Variants in EYS observed in about 807,000 individuals in gnomAD.
The protein encoded by EYS is EGF-like photoreceptor maintenance factor.
Under a neutral mutation model 282.1 loss-of-function variants are expected in EYS, and 250 were observed. That is an observed-to-expected ratio of 0.89 (90% confidence interval 0.80 to 0.98). EYS has a LOEUF of 0.98. Among genes scored for constraint, EYS ranks in the 50% least tolerant of loss-of-function variants. EYS has a pLI of 0.00. For synonymous variants in EYS, 1,355 were observed against 1,282.9 expected, an observed-to-expected ratio of 1.06 and a Z score of -1.20; for missense variants, 4,016 against 3,709.0, an observed-to-expected ratio of 1.08 and a Z score of -2.15.
At chr6:64,103,917 G>GT (rs1772918579) in intron 31 of EYS, among the ~76,000 whole-genome samples, 1 of 152,152 alleles carries the variant, frequency 6.6e-6, no homozygotes, top group African/African-American at 2.4e-5. Context: ...TGAGTATGTT[G>GT]TGGGTTAAGG....
chr6:65,542,813 A>AT (rs917841154), intron 2 of EYS, among the ~76,000 whole-genome samples: 1 of 152,124 alleles, frequency 6.6e-6, no homozygotes, highest in Non-Finnish European at 1.5e-5. Flanking sequence ...AATGACTTGA[A>AT]TTTTTTTAAA....
chr6:64,630,360 G>A (rs1220918538), intron 22 of EYS, among the ~76,000 whole-genome samples: 2 of 152,130 alleles, frequency 1.3e-5, no homozygotes, highest in Admixed American at 1.3e-4. Flanking sequence ...GACTCCCAAA[G>A]TGCTGGGATT....
At chr6:64,298,220 A>G (rs1769107314) in intron 30 of EYS, among the ~76,000 whole-genome samples, 1 of 152,166 alleles carries the variant, frequency 6.6e-6, no homozygotes, top group Admixed American at 6.6e-5. Context: ...AATTTCTAAT[A>G]ATTGTTTTCT....
At chr6:65,241,225 G>C (rs1487540237) in intron 12 of EYS, among the ~76,000 whole-genome samples, 1 of 151,996 alleles carries the variant, frequency 6.6e-6, no homozygotes, top group East Asian at 1.9e-4. Flanking sequence ...TCACGAAATA[G>C]ATATACTCAT....
Position 64,591,691 on chromosome 6 carries a change from TG to T in EYS, c.4175del (p.Pro1392HisfsTer7). The T allele has an allele frequency of 6.4e-7, 1 of 1,551,300 alleles. No individual in the cohort carries two copies. Among genetic ancestry groups the T allele is most frequent in the Non-Finnish European group, 8.7e-7 (1 of 1,146,744 alleles). ...FFFPDRRART[P>X]FIMSSLMSDF... Reference sequence around the variant, plus strand: ...CTGACATTAAGGAAGACATGATAAATGGGGTCCTTGCTCTCCTATCAGGAAA... The same window carrying T: ...CTGACATTAAGGAAGACATGATAAATGGGTCCTTGCTCTCCTATCAGGAAA... On this transcript the variant is annotated frameshift_variant, in exon 26 of 43. Coordinates refer to ENST00000503581, the MANE Select transcript of EYS (RefSeq NM_001142800.2). LOFTEE classifies it high-confidence loss of function.
At chr6:63,821,372 C>G (rs1771320919) in intron 36 of EYS, 3 of 152,276 alleles carry the variant, frequency 2.0e-5, no homozygotes, top group Admixed American at 2.0e-4. Context: ...TCTTGAATTC[C>G]TCACCCTTAT....
intron 31 of EYS, among the ~76,000 whole-genome samples, chr6:64,213,192 C>A (rs1436058691): frequency 6.6e-6 from 1 of 152,072 alleles, no homozygotes; most frequent in Non-Finnish European, 1.5e-5. Flanking sequence ...ACCTATGTAA[C>A]AAACCTGCAC....
chr6:65,443,296 A>G (rs1340575584), intron 5 of EYS, among the ~76,000 whole-genome samples: 1 of 128,158 alleles, frequency 7.8e-6, no homozygotes, highest in African/African-American at 2.5e-5. Flanking sequence ...GCATATATGC[A>G]TACATGTGTG....
At chr6:64,839,926 C>A (rs1765511539) in intron 19 of EYS, among the ~76,000 whole-genome samples, 1 of 151,994 alleles carries the variant, frequency 6.6e-6, no homozygotes, top group Admixed American at 6.6e-5. Flanking sequence ...CTTAATATCA[C>A]CAAAATGGAG....
chr6:65,029,911 G>C (rs1324259356), intron 13 of EYS, among the ~76,000 whole-genome samples: 1 of 152,112 alleles, frequency 6.6e-6, no homozygotes, highest in Non-Finnish European at 1.5e-5. Flanking sequence ...CCTGGGGAAG[G>C]GGTGAGACAA....
At chr6:64,644,170 CATTATATACAAGGG>C (rs1768272327) in intron 22 of EYS, among the ~76,000 whole-genome samples, 1 of 152,098 alleles carries the variant, frequency 6.6e-6, no homozygotes, top group African/African-American at 2.4e-5. Flanking sequence ...TCAGTAAAGT[CATTATATACAAGGG>C]AGCAGAGTCA....
chr6:65,123,758 C>CCCCCCA (rs1554157088), intron 12 of EYS, among the ~76,000 whole-genome samples: 4 of 147,002 alleles, frequency 2.7e-5, no homozygotes, highest in Admixed American at 1.4e-4. Context: ...ACCCACCCAC[C>CCCCCCA]CACACACACA....
At position 64,626,182 on chromosome 6, in the gene EYS, T is replaced by C. The variant is rs750490503; in HGVS notation, c.3507A>G (p.Pro1169=). The change falls in exon 23 of 43, where the codon CCA becomes CCG. Residue 1169 remains proline, a synonymous_variant. Transcript: ENST00000503581. ...EININECSSS[P]CLHGADCEDH... The stretch of plus-strand genomic sequence containing the variant: ...CTTCACAGTCTGCACCATGTAGACA[T>C]GGTGATGAAGAGCATTCATTTATAT... 46 of 1,544,046 alleles carry C rather than the reference T, an allele frequency of 3.0e-5. No homozygotes were observed. The highest frequency in any genetic ancestry group is 2.7e-5 in the African/African-American group (2 of 72,742).
chr6:63,946,885 C>T (rs1205129384), intron 35 of EYS, among the ~76,000 whole-genome samples: 1 of 151,228 alleles, frequency 6.6e-6, no homozygotes, highest in African/African-American at 2.4e-5. Context: ...GATGAATATC[C>T]CATTTACCCT....
chr6:65,433,639 T>C (rs1037629229), intron 5 of EYS, among the ~76,000 whole-genome samples: 1 of 152,192 alleles, frequency 6.6e-6, no homozygotes, highest in African/African-American at 2.4e-5. Context: ...GGGACAGATT[T>C]AGTACGTTAT....
chr6:64,097,817 T>G (rs1047574145), intron 31 of EYS, among the ~76,000 whole-genome samples: 68 of 152,152 alleles, frequency 4.5e-4, no homozygotes, highest in African/African-American at 1.6e-3. Context: ...TGGAAGAAAA[T>G]TATAATTAGT....
intron 32 of EYS, among the ~76,000 whole-genome samples, chr6:64,071,197 T>C (rs2149859352): frequency 6.6e-6 from 1 of 152,068 alleles, no homozygotes; most frequent in African/African-American, 2.4e-5. Context: ...CAGAGAAAGG[T>C]GTCTGGAAAA....
intron 31 of EYS, among the ~76,000 whole-genome samples, chr6:64,154,963 T>C (rs1774867882): frequency 2.0e-5 from 3 of 152,178 alleles, no homozygotes; most frequent in African/African-American, 7.2e-5. Context: ...TTTGAGGTCC[T>C]GAGGGATTGT....
intron 40 of EYS, 153 bp downstream of exon 40, chr6:63,777,853 C>G: frequency 2.8e-6 from 2 of 717,120 alleles, no homozygotes. Flanking sequence ...TTGCCTTCAC[C>G]TGTCCTCCCA....
Sources: gnomAD v4.1 joint callset for allele counts (sites outside exome capture counted in the v4.1 genomes callset) on GRCh38, gnomAD v4.1.1 for gene constraint, MANE v1.5 for transcripts, NCBI Gene and HGNC (gene_info 2026-07-23, HGNC 2026-07-21) for gene names.